RARB: variants seen among roughly 807,000 people sequenced by gnomAD.
The protein encoded by RARB is retinoic acid receptor beta.
RARB carries 17 observed loss-of-function variants against 51.9 expected under a neutral mutation model. That is an observed-to-expected ratio of 0.33 (90% CI 0.22 to 0.49). The LOEUF is 0.49. Ranked by LOEUF, RARB falls within the 20% of genes least tolerant of loss-of-function variation. The pLI is 0.99. For missense variants in RARB, 369 were observed against 550.8 expected, an observed-to-expected ratio of 0.67 and a Z score of 3.30; for synonymous variants, 215 against 195.4, an observed-to-expected ratio of 1.10 and a Z score of -0.84.
chr3:25,594,880 TA>T, intron 7 of RARB, among the ~76,000 whole-genome samples: 1 of 151,822 alleles, frequency 6.6e-6, no homozygotes. Context: ...CCTATTCAAT[TA>T]TCTTAACGAT....
chr3:25,193,004 T>A (rs533978431), intron 5 of RARB, among the ~76,000 whole-genome samples: 1 of 152,136 alleles, frequency 6.6e-6, no homozygotes, highest in South Asian at 2.1e-4. Context: ...CTTCAGACAT[T>A]GTAGGTGGAA....
At chr3:24,927,841 A>T (rs539032113) in intron 2 of RARB, among the ~76,000 whole-genome samples, 1 of 152,190 alleles carries the variant, frequency 6.6e-6, no homozygotes, top group East Asian at 1.9e-4. Context: ...TCATGTTTTC[A>T]GTATACACTA....
At chr3:24,984,561 G>A (rs1352689596) in intron 2 of RARB, among the ~76,000 whole-genome samples, 1 of 152,152 alleles carries the variant, frequency 6.6e-6, no homozygotes, top group Non-Finnish European at 1.5e-5. Flanking sequence ...AATACACAGA[G>A]AGTAGAAGTT....
chr3:25,326,978 A>G (rs545050065), intron 5 of RARB, among the ~76,000 whole-genome samples: 36 of 152,038 alleles, frequency 2.4e-4, no homozygotes, highest in African/African-American at 8.7e-4. Flanking sequence ...TCCTAATGCT[A>G]TCCCTCCCCC....
intron 5 of RARB, among the ~76,000 whole-genome samples, chr3:25,400,779 G>A (rs1263971004): frequency 1.3e-5 from 2 of 152,120 alleles, no homozygotes; most frequent in African/African-American, 4.8e-5. Flanking sequence ...AAAAACCACA[G>A]TTATTCAACA....
intron 2 of RARB, among the ~76,000 whole-genome samples, chr3:24,891,434 C>A (rs1469148265): frequency 1.3e-5 from 2 of 152,104 alleles, no homozygotes; most frequent in African/African-American, 2.4e-5. Context: ...AGAATCATAG[C>A]CCCCACTAGG....
chr3:25,147,854 T>G (rs991294559), intron 4 of RARB, among the ~76,000 whole-genome samples: 10 of 152,244 alleles, frequency 6.6e-5, no homozygotes, highest in Non-Finnish European at 1.5e-4. Flanking sequence ...AGCTTGGTTT[T>G]CCTGGTAAAA....
chr3:25,428,487 G>T lies in RARB; in HGVS notation c.-245G>T. 7.9e-7 allele frequency: 1 copy of T among 1,267,530 alleles called. No individual in the cohort carries two copies. The highest frequency in any genetic ancestry group is 9.9e-7 in the Non-Finnish European group (1 of 1,008,024). The allele number at this position is 1,267,530 out of a possible 1,614,324, so 78.5% of individuals were successfully genotyped here. A position where few individuals can be genotyped will look rare whatever the true frequency, so the allele number is the denominator to read the frequency against. On this transcript the variant is annotated 5_prime_UTR_variant, in exon 1 of 8. Coordinates refer to ENST00000330688, the MANE Select transcript of RARB (RefSeq NM_000965.5). ...GAAGGAGAACTTGGGATCTTTCTGG[G>T]AACCCCCCGCCCCGGCTGGATTGGC...
chr3:25,498,204 A>C (rs186899549), intron 2 of RARB, among the ~76,000 whole-genome samples: 1 of 152,322 alleles, frequency 6.6e-6, no homozygotes, highest in East Asian at 1.9e-4. Flanking sequence ...TAGAAGGAGG[A>C]GTCAACCTAA....
chr3:25,117,999 A>G (rs1026662508), intron 3 of RARB, among the ~76,000 whole-genome samples: 1 of 152,166 alleles, frequency 6.6e-6, no homozygotes. Flanking sequence ...AAGAAGTGTC[A>G]CATATTTGAC....
chr3:25,041,018 G>A (rs1698103257), intron 2 of RARB, among the ~76,000 whole-genome samples: 5 of 152,082 alleles, frequency 3.3e-5, no homozygotes, highest in Admixed American at 3.3e-4. Flanking sequence ...CCATAAAGAA[G>A]GTACTACAAA....
chr3:24,984,309 G>T (rs1027731308), intron 2 of RARB, among the ~76,000 whole-genome samples: 1 of 152,138 alleles, frequency 6.6e-6, no homozygotes, highest in Non-Finnish European at 1.5e-5. Flanking sequence ...ACTAAAGTAG[G>T]TTTGTGACTG....
chr3:24,908,161 A>G (rs531080970), intron 2 of RARB, among the ~76,000 whole-genome samples: 7 of 152,292 alleles, frequency 4.6e-5, no homozygotes, highest in African/African-American at 1.7e-4. Context: ...TGGCCAGTGG[A>G]GAAAAAGCAC....
chr3:25,461,247 C>T lies in RARB; in HGVS notation c.212C>T (p.Pro71Leu), dbSNP rs750237169. ...SEELVPSPPS[P>L]LPPPRVYKPC... Reference sequence around the variant, plus strand: ...GAACTCGTCCCAAGCCCCCCATCTCCACTTCCTCCCCCTCGAGTGTACAAA... The same window carrying T: ...GAACTCGTCCCAAGCCCCCCATCTCTACTTCCTCCCCCTCGAGTGTACAAA... The change falls in exon 2 of 8, where the codon CCA becomes CTA. Residue 71 changes from proline to leucine, a missense_variant. Pro to Leu is a moderately conservative substitution (Grantham distance 98). Transcript: ENST00000330688. 1.2e-6 allele frequency: 2 copies of T among 1,613,970 alleles called. No homozygotes were observed. Among genetic ancestry groups the T allele is most frequent in the Non-Finnish European group, 1.7e-6 (2 of 1,179,970 alleles).
At chr3:25,421,988 A>T (rs1049163842) in intron 5 of RARB, among the ~76,000 whole-genome samples, 2 of 152,174 alleles carry the variant, frequency 1.3e-5, no homozygotes, top group Non-Finnish European at 2.9e-5. Context: ...GAAACATTCT[A>T]TGTCTGCACT....
rs1421958254 is a variant in RARB at position 25,593,649 on chromosome 3, T to A, written c.933T>A (p.Pro311=). The change falls in exon 6 of 8, where the codon CCT becomes CCA. Residue 311 remains proline (P), a synonymous_variant. Transcript: ENST00000330688. The stretch of plus-strand genomic sequence containing the variant: ...TCACCTTTGCCAACCAGCTCCTGCC[T>A]TTGGAAATGGATGACACAGAAACAG... The part of the protein sequence containing the change: ...LVFTFANQLL[P]LEMDDTETGL... The A allele has an allele frequency of 6.2e-7, 1 of 1,614,028 alleles. No homozygotes were observed. The highest frequency in any genetic ancestry group is 1.3e-5 in the African/African-American group (1 of 74,922).
At chr3:24,935,424 C>G (rs1486307360) in intron 2 of RARB, among the ~76,000 whole-genome samples, 1 of 152,106 alleles carries the variant, frequency 6.6e-6, no homozygotes, top group Non-Finnish European at 1.5e-5. Context: ...TCTGAAAAAT[C>G]TATCCTATTT....
At chr3:24,892,692 A>C (rs1237169799) in intron 2 of RARB, among the ~76,000 whole-genome samples, 1 of 152,240 alleles carries the variant, frequency 6.6e-6, no homozygotes, top group Non-Finnish European at 1.5e-5. Flanking sequence ...AAGTATTTTA[A>C]CTGAGAATGT....
rs138411886 is a variant in RARB, at chr3:24,898,376, A to C, written c.-380+39624A>C. 5.7e-3 allele frequency among the ~76,000 whole-genome samples: 864 copies of C among 150,878 alleles called. 6 individuals carry two copies. The highest frequency in any genetic ancestry group is 0.02 in the African/African-American group (813 of 41,284). On this transcript the variant is annotated intron_variant, in intron 2 of 11. Coordinates refer to the RARB transcript ENST00000383772. Reference sequence around the variant, plus strand: ...AATAGGAATAAAATGATTTATATATAACAAATAGGAATAAATTATAGGAAT... The same window carrying C: ...AATAGGAATAAAATGATTTATATATCACAAATAGGAATAAATTATAGGAAT...
Sources: allele counts gnomAD v4.1 joint callset (sites outside exome capture counted in the v4.1 genomes callset), GRCh38; gene constraint gnomAD v4.1.1; transcripts MANE v1.5; gene names NCBI Gene and HGNC (gene_info 2026-07-23, HGNC 2026-07-21).